Variants in CFAP44 observed in about 807,000 individuals in gnomAD.
The protein encoded by CFAP44 is cilia and flagella associated protein 44.
Under a neutral mutation model 216.2 loss-of-function variants are expected in CFAP44, and 134 were observed. The ratio of observed to expected loss-of-function variants is 0.62; its 90% CI spans 0.54 to 0.72. CFAP44 has a LOEUF of 0.72. CFAP44 is among the 30% of genes least tolerant of loss of function. The pLI is 0.00. For synonymous variants in CFAP44, 700 were observed against 727.6 expected (o/e 0.96, Z 0.61); for missense variants, 2,035 against 2,182.1 (o/e 0.93, Z 1.34).
In CFAP44 at chr3:113,306,199, A is replaced by C; in HGVS notation, c.4758+2T>G. The C allele has an allele frequency of 6.5e-7, 1 of 1,535,246 alleles. No individual in the cohort carries two copies. On this transcript the variant is annotated splice_donor_variant, in intron 30 of 34. Transcript: ENST00000393845. LOFTEE classifies it high-confidence loss of function. ...GATAAATAAGTAAACAGATCACCAT[A>C]CTTTTTTTGACAATGTATCATATTC...
In CFAP44 at chr3:113,330,210, G is replaced by C; in HGVS notation, c.4074C>G (p.Asp1358Glu). 6.5e-7 allele frequency: 1 copy of C among 1,537,300 alleles called. No homozygotes were observed. The highest frequency in any genetic ancestry group is 1.7e-4 in the Middle Eastern group (1 of 5,992). Residue 1358 changes from aspartate to glutamate, a missense_variant, in exon 26 of 35, where the codon GAC (aspartate) becomes GAG (glutamate). Physicochemically the swap from Asp to Glu is conservative, Grantham distance 45. Transcript: ENST00000393845. ...TDVELEIMKR[D>E]EIKHVYMQQY... ...GTTGCATGTACACGTGTTTAATCTC[G>C]TCTCTCTTCATAATTTCCAGCTCCA...
chr3:113,365,121 T>C (rs1208937400), intron 19 of CFAP44, among the ~76,000 whole-genome samples: 1 of 152,188 alleles, frequency 6.6e-6, no homozygotes, highest in Non-Finnish European at 1.5e-5. Context: ...AACATTTTTC[T>C]ATCCAATATG....
rs1034136558 is a variant in CFAP44, at chr3:113,296,888, A to G, written c.5078-3T>C. On this transcript the variant is annotated splice_region_variant and splice_polypyrimidine_tract_variant and intron_variant, in intron 32 of 34. Transcript: ENST00000393845. Reference sequence around the variant, plus strand: ...CTGCCGGACTGTTTCCTCCATTTCTAAAAGAAGACAGTCACTGGCTCAGGT... The same window carrying G: ...CTGCCGGACTGTTTCCTCCATTTCTGAAAGAAGACAGTCACTGGCTCAGGT... 2.6e-6 allele frequency: 4 copies of G among 1,537,112 alleles called. 1 individual carries two copies. The South Asian group carries it at 3.6e-5, about 14-fold the overall frequency.
chr3:113,416,403 C>A (rs1934648550), intron 6 of CFAP44, 122 bp downstream of exon 6: 1 of 747,566 alleles, frequency 1.3e-6, no homozygotes, highest in African/African-American at 1.8e-5. Context: ...GAATAAATCT[C>A]TTTTCTGTCT....
intron 8 of CFAP44, 49 bp from the exon 9 acceptor site, chr3:113,404,065 A>G: frequency 1.3e-6 from 2 of 1,500,822 alleles, no homozygotes; most frequent in Non-Finnish European, 1.8e-6. Flanking sequence ...AGGTAAGTGT[A>G]CATATTTATG....
chr3:113,337,475 G>A (rs143958816), intron 24 of CFAP44, among the ~76,000 whole-genome samples: 84 of 152,152 alleles, frequency 5.5e-4, no homozygotes, highest in South Asian at 1.2e-3. Context: ...TATATGGAAA[G>A]ACAAAGTAAT....
chr3:113,396,194 A>T (rs1052890319), intron 14 of CFAP44, among the ~76,000 whole-genome samples: 2 of 152,236 alleles, frequency 1.3e-5, no homozygotes, highest in Non-Finnish European at 2.9e-5. Context: ...ATATAAGAAC[A>T]TAACTATGCT....
intron 28 of CFAP44, among the ~76,000 whole-genome samples, chr3:113,320,473 GAT>G (rs1210397024): frequency 1.2e-5 from 1 of 84,684 alleles, no homozygotes; most frequent in African/African-American, 6.7e-5. Context: ...TATCATATAT[GAT>G]ATATATGATA....
chr3:113,429,384 G>A (rs1411145642), intron 2 of CFAP44, among the ~76,000 whole-genome samples: 1 of 151,998 alleles, frequency 6.6e-6, no homozygotes, highest in African/African-American at 2.4e-5. Flanking sequence ...TTATGTCACT[G>A]GTAGTACTCT....
In CFAP44 at chr3:113,290,871, A is replaced by G. The variant is rs1391171337; in HGVS notation, c.*686T>C. ...GAAAAGCCTCTTTATTGACTGTTTT[A>G]TTAAGCATGCCCCTCTGCTCCACTC... On this transcript the variant is annotated 3_prime_UTR_variant, in exon 35 of 35. Coordinates refer to ENST00000393845, the MANE Select transcript of CFAP44 (RefSeq NM_001164496.2). 6.6e-6 allele frequency: 1 copy of G among 152,196 alleles called. No homozygotes were observed. Among genetic ancestry groups the G allele is most frequent in the Non-Finnish European group, 1.5e-5 (1 of 68,020 alleles). 9.4% of individuals were successfully genotyped at this position (152,196 alleles called of 1,614,324 possible).
Position 113,287,437 on chromosome 3 carries a change from T to C in CFAP44, c.*4120A>G, listed in dbSNP as rs114697653. 3,703 of 155,288 alleles carry C rather than the reference T, an allele frequency of 0.024. 51 individuals are homozygous for C. The highest frequency in any genetic ancestry group is 0.06 in the Middle Eastern group (18 of 298). 9.6% of individuals were successfully genotyped at this position (155,288 alleles called of 1,614,324 possible). A position where few individuals can be genotyped will look rare whatever the true frequency, so the allele number is the denominator to read the frequency against. ...ACACTGTAACTTCTAAATAAATGTTTAGTCTTCCCTGTAACCTTCAAACTG... is the reference window on the plus strand; with the variant it reads ...ACACTGTAACTTCTAAATAAATGTTCAGTCTTCCCTGTAACCTTCAAACTG... On this transcript the variant is annotated 3_prime_UTR_variant, in exon 35 of 35. Transcript: ENST00000393845.
intron 33 of CFAP44, 33 bp from the exon 34 acceptor site, chr3:113,294,854 G>A (rs1949865780): frequency 6.7e-7 from 1 of 1,494,076 alleles, no homozygotes; most frequent in East Asian, 2.5e-5. Flanking sequence ...AATAGATGTA[G>A]TGAATACGAG....
chr3:113,341,342 A>G (rs1950331536), intron 24 of CFAP44, among the ~76,000 whole-genome samples: 1 of 149,856 alleles, frequency 6.7e-6, no homozygotes, highest in Non-Finnish European at 1.5e-5. Context: ...CCATATCAAT[A>G]CTGGATTTTT....
intron 20 of CFAP44, 70 bp downstream of exon 20, chr3:113,363,407 C>A: frequency 1.3e-6 from 2 of 1,573,792 alleles, no homozygotes; most frequent in South Asian, 2.4e-5. Flanking sequence ...TAAGCTTGGT[C>A]AACTTCTGCA....
chr3:113,294,486 G>A, intron 34 of CFAP44: 3 of 575,056 alleles, frequency 5.2e-6, no homozygotes, highest in Non-Finnish European at 8.6e-6. Context: ...GCACCCAAGA[G>A]GCGTTCAATA....
At chr3:113,366,426 C>A in intron 18 of CFAP44, 117 bp from the exon 19 acceptor site, 1 of 1,241,776 alleles carries the variant, frequency 8.1e-7, no homozygotes, top group Non-Finnish European at 1.1e-6. Context: ...GAATTGTACA[C>A]CCCTAAAATT....
chr3:113,431,169 G>C (rs1935097068), intron 2 of CFAP44, among the ~76,000 whole-genome samples: 1 of 152,090 alleles, frequency 6.6e-6, no homozygotes, highest in South Asian at 2.1e-4. Flanking sequence ...GCTATGATCA[G>C]GTATGAGGCT....
chr3:113,435,966 T>A (rs1935229686), intron 1 of CFAP44, among the ~76,000 whole-genome samples: 1 of 151,910 alleles, frequency 6.6e-6, no homozygotes. Flanking sequence ...CTTCCCTTCC[T>A]TCCTCTTTCC....
At chr3:113,349,994 A>C (rs1050197076) in intron 22 of CFAP44, among the ~76,000 whole-genome samples, 3 of 152,216 alleles carry the variant, frequency 2.0e-5, no homozygotes, top group Non-Finnish European at 2.9e-5. Context: ...AAAGAAAGGG[A>C]GTTCCTAACC....
Sources: gnomAD v4.1 joint callset for allele counts (sites outside exome capture counted in the v4.1 genomes callset) on GRCh38, gnomAD v4.1.1 for gene constraint, MANE v1.5 for transcripts, NCBI Gene and HGNC (gene_info 2026-07-23, HGNC 2026-07-21) for gene names.